Variants in BMPR1B observed in about 807,000 individuals in gnomAD.
BMPR1B encodes bone morphogenetic protein receptor type 1B, also known as bone morphogenetic protein receptor type-1B.
In BMPR1B, 12 loss-of-function variants were observed where a neutral mutation model predicts 59.1. The observed-to-expected ratio is 0.20, with a 90% CI of 0.13 to 0.33. The LOEUF (loss-of-function observed/expected upper bound fraction) is 0.33. BMPR1B is among the 10% of genes least tolerant of loss of function. The pLI is 1.00. For synonymous variants in BMPR1B, 237 were observed against 207.3 expected, an observed-to-expected ratio of 1.14 and a Z score of -1.23; for missense variants, 550 against 610.9, an observed-to-expected ratio of 0.90 and a Z score of 1.05.
At chr4:94,820,861 A>T (rs1285212147) in intron 1 of BMPR1B, among the ~76,000 whole-genome samples, 4 of 152,226 alleles carry the variant, frequency 2.6e-5, no homozygotes, top group Non-Finnish European at 2.9e-5. Flanking sequence ...ACCATATAAC[A>T]TATGTTGCTA....
chr4:95,064,597 T>A (rs1364804344), intron 3 of BMPR1B, among the ~76,000 whole-genome samples: 1 of 152,036 alleles, frequency 6.6e-6, no homozygotes, highest in African/African-American at 2.4e-5. Flanking sequence ...GAAAAGACAG[T>A]CCACATAATG....
chr4:95,025,122 T>C (rs1724263177), intron 3 of BMPR1B, among the ~76,000 whole-genome samples: 1 of 151,868 alleles, frequency 6.6e-6, no homozygotes, highest in South Asian at 2.1e-4. Flanking sequence ...GAAGTAAGTA[T>C]AGGGACCGTG....
In BMPR1B at chr4:95,104,335, A is replaced by G. The variant is rs930767517; in HGVS notation, c.-17-73A>G. The G allele has an allele frequency of 6.0e-6, 9 of 1,492,824 alleles. No individual in the cohort carries two copies. In the African/African-American group the frequency reaches 1.1e-4, roughly 19 times the overall value. The allele number at this position is 1,492,824 out of a possible 1,614,324, so 92.5% of individuals were successfully genotyped here. A position where few individuals can be genotyped will look rare whatever the true frequency, so the allele number is the denominator to read the frequency against. ...ATACTTCATTTTAAAATGTAATCTCATGTTTTCGTTTGAACAGAAGACTGG... is the reference window on the plus strand; with the variant it reads ...ATACTTCATTTTAAAATGTAATCTCGTGTTTTCGTTTGAACAGAAGACTGG... On this transcript the variant is annotated intron_variant, in intron 3 of 12. Coordinates refer to ENST00000515059, the MANE Select transcript of BMPR1B (RefSeq NM_001203.3).
chr4:94,851,306 G>C (rs1278108080), intron 1 of BMPR1B, among the ~76,000 whole-genome samples: 1 of 152,102 alleles, frequency 6.6e-6, no homozygotes, highest in Non-Finnish European at 1.5e-5. Flanking sequence ...TGAAAGTCTG[G>C]TGACAAAAAT....
At chr4:95,040,570 G>T (rs1303221916) in intron 3 of BMPR1B, among the ~76,000 whole-genome samples, 1 of 152,212 alleles carries the variant, frequency 6.6e-6, no homozygotes, top group South Asian at 2.1e-4. Flanking sequence ...GCACTAATTT[G>T]GTAAAGAAGA....
chr4:94,789,559 A>ATTTAC lies in BMPR1B; in HGVS notation c.-183+31495_-183+31499dup, dbSNP rs1578645322. Among the ~76,000 whole-genome samples, 8 of 151,894 alleles carry ATTTAC rather than the reference A, an allele frequency of 5.3e-5. 1 individual carries two copies. The East Asian group carries it at 1.4e-3, about 26-fold the overall frequency. The stretch of plus-strand genomic sequence containing the variant: ...GAACTTGAATAAAAAAATCACTTGA[A>ATTTAC]TTTACTTTTTGTCTAACATCATTTC... On this transcript the variant is annotated intron_variant, in intron 1 of 12. Coordinates refer to ENST00000515059, the MANE Select transcript of BMPR1B (RefSeq NM_001203.3).
At chr4:94,765,675 A>G (rs1721944186) in intron 1 of BMPR1B, among the ~76,000 whole-genome samples, 5 of 151,666 alleles carry the variant, frequency 3.3e-5, no homozygotes, top group Admixed American at 3.3e-4. Context: ...TGTTATTTCT[A>G]CTTTGTCACA....
intron 1 of BMPR1B, among the ~76,000 whole-genome samples, chr4:94,800,699 G>A (rs1046537815): frequency 6.6e-6 from 1 of 152,056 alleles, no homozygotes; most frequent in African/African-American, 2.4e-5. Flanking sequence ...TGAACACTTT[G>A]CCTTCCTCTT....
At chr4:94,810,820 TAG>T (rs1406284209) in intron 1 of BMPR1B, among the ~76,000 whole-genome samples, 1 of 152,168 alleles carries the variant, frequency 6.6e-6, no homozygotes, top group African/African-American at 2.4e-5. Flanking sequence ...AGGCACATAT[TAG>T]AGAGTTAGTT....
At chr4:95,120,869 C>T (rs1438439689) in intron 6 of BMPR1B, among the ~76,000 whole-genome samples, 1 of 149,986 alleles carries the variant, frequency 6.7e-6, no homozygotes, top group Non-Finnish European at 1.5e-5. Context: ...AGTGCAGTGA[C>T]ACGATTTCTG....
intron 2 of BMPR1B, among the ~76,000 whole-genome samples, chr4:94,980,826 A>G (rs914975420): frequency 6.6e-6 from 1 of 152,304 alleles, no homozygotes; most frequent in Middle Eastern, 3.4e-3. Flanking sequence ...TACTTAATAC[A>G]AGTTGAGAAT....
At chr4:94,789,959 G>C (rs950893965) in intron 1 of BMPR1B, among the ~76,000 whole-genome samples, 4 of 152,066 alleles carry the variant, frequency 2.6e-5, no homozygotes, top group African/African-American at 9.7e-5. Context: ...AGACGATGAG[G>C]ATGAAGACCT....
At chr4:94,855,542 G>A (rs1027875416) in intron 1 of BMPR1B, among the ~76,000 whole-genome samples, 6 of 152,216 alleles carry the variant, frequency 3.9e-5, no homozygotes, top group South Asian at 2.1e-4. Context: ...TAACATGTAC[G>A]TAACAAAAAT....
chr4:94,955,589 A>G (rs920474927), intron 2 of BMPR1B, among the ~76,000 whole-genome samples: 3 of 152,052 alleles, frequency 2.0e-5, no homozygotes, highest in African/African-American at 4.8e-5. Flanking sequence ...GGTGCATGCT[A>G]TGCTAGGCAT....
intron 3 of BMPR1B, among the ~76,000 whole-genome samples, chr4:95,086,075 AT>A (rs768687925): frequency 1.3e-5 from 2 of 152,088 alleles, no homozygotes; most frequent in Non-Finnish European, 2.9e-5. Flanking sequence ...TTGACAGTTA[AT>A]TTTAAAGGTA....
At chr4:94,802,860 T>A (rs1723462190) in intron 1 of BMPR1B, among the ~76,000 whole-genome samples, 1 of 152,178 alleles carries the variant, frequency 6.6e-6, no homozygotes, top group African/African-American at 2.4e-5. Flanking sequence ...CTCTAGGGAA[T>A]GTTGCTCATC....
intron 3 of BMPR1B, among the ~76,000 whole-genome samples, chr4:95,045,729 C>A (rs539760281): frequency 1.3e-5 from 2 of 152,148 alleles, no homozygotes; most frequent in African/African-American, 4.8e-5. Context: ...AGTTACTGTA[C>A]TGCATTGTCA....
intron 3 of BMPR1B, among the ~76,000 whole-genome samples, chr4:95,017,211 T>C (rs923373891): frequency 1.3e-5 from 2 of 152,208 alleles, no homozygotes; most frequent in Admixed American, 1.3e-4. Flanking sequence ...GCAGCTCTCT[T>C]TCCTGTCAAT....
intron 3 of BMPR1B, chr4:95,091,755 T>C (rs1417051726): frequency 2.4e-6 from 2 of 829,190 alleles, no homozygotes; most frequent in African/African-American, 3.7e-5. Flanking sequence ...TTTTTTGGCA[T>C]AGATGGTGAA....
Sources: allele counts gnomAD v4.1 joint callset (sites outside exome capture counted in the v4.1 genomes callset), GRCh38; gene constraint gnomAD v4.1.1; transcripts MANE v1.5; gene names NCBI Gene and HGNC (gene_info 2026-07-23, HGNC 2026-07-21).